P2RX7: variants seen among roughly 807,000 people sequenced by gnomAD.
The protein encoded by P2RX7 is purinergic receptor P2X 7.
P2RX7 carries 62 observed loss-of-function variants against 71.6 expected under a neutral mutation model. That is an observed-to-expected ratio of 0.87 (90% CI 0.71 to 1.07). P2RX7 has a LOEUF of 1.07. Among genes scored for constraint, P2RX7 ranks in the 50% least tolerant of loss-of-function variants. The pLI, the probability that P2RX7 is intolerant of heterozygous loss-of-function variation, is 0.00. For missense variants in P2RX7, 686 were observed against 748.5 expected (o/e 0.92, Z 0.97); for synonymous variants, 299 against 283.3 (o/e 1.06, Z -0.56).
In P2RX7 at chr12:121,160,970, C is replaced by CAAAG; in HGVS notation, c.433_436dup (p.Gly146GlufsTer12). ...AAAAGGGATGGATGGACCCGCAGAG[C>CAAAG]AAAGGTACCTTCTGTTTCTTTTCCC... On this transcript the variant is annotated frameshift_variant, in exon 4 of 13. Coordinates refer to ENST00000328963, the MANE Select transcript of P2RX7 (RefSeq NM_002562.6). LOFTEE classifies it high-confidence loss of function. The CAAAG allele has an allele frequency of 1.9e-6, 3 of 1,612,826 alleles. No homozygotes were observed. The highest frequency in any genetic ancestry group is 2.5e-6 in the Non-Finnish European group (3 of 1,178,794).
At position 121,175,322 on chromosome 12, in the gene P2RX7, A is replaced by AAAAAAC. The variant is rs1882914266; in HGVS notation, c.882-61_882-60insCAAAAA. The AAAAAAC allele has an allele frequency of 9.0e-6, 9 of 996,438 alleles. No homozygotes were observed. In the African/African-American group the frequency reaches 1.2e-4, roughly 13 times the overall value. The allele number at this position is 996,438 out of a possible 1,614,324, so 61.7% of individuals were successfully genotyped here. On this transcript the variant is annotated intron_variant, in intron 8 of 12. Transcript: ENST00000328963. Reference sequence around the variant, plus strand: ...TGAGACCCTGTCTCAAAAAAAAAAAAAAAAAAACCCAAAACCCAGCACTTT... The same window carrying AAAAAAC: ...TGAGACCCTGTCTCAAAAAAAAAAAAAAAAACAAAAAAACCCAAAACCCAGCACTTT...
chr12:121,139,781 C>A (rs1465461773), intron 1 of P2RX7, among the ~76,000 whole-genome samples: 1 of 143,394 alleles, frequency 7.0e-6, no homozygotes, highest in Non-Finnish European at 1.5e-5. Flanking sequence ...GTCACCCAGA[C>A]TGGAGTGCAG....
At chr12:121,171,990 T>C (rs912628831) in intron 8 of P2RX7, among the ~76,000 whole-genome samples, 3 of 151,688 alleles carry the variant, frequency 2.0e-5, no homozygotes, top group East Asian at 1.9e-4. Context: ...GCCTCCCGAG[T>C]AGCTGGGACT....
At chr12:121,144,108 T>C (rs1345154362) in intron 1 of P2RX7, among the ~76,000 whole-genome samples, 1 of 152,192 alleles carries the variant, frequency 6.6e-6, no homozygotes, top group Non-Finnish European at 1.5e-5. Context: ...CTCTGGAGAT[T>C]TGTCTTTTCT....
In P2RX7 at chr12:121,154,025, G is replaced by C. The variant is rs1351715211; in HGVS notation, c.126-760G>C. On this transcript the variant is annotated intron_variant, in intron 1 of 12. Transcript: ENST00000328963. This position sits in a 1 kb window ranked among gnomAD's most constrained non-coding sequence, Gnocchi z 4.2. ...TAGTTCCAGCTACTCAGGAGGCTGA[G>C]GTGGGAGGATCAACTTGAGCTCGGG... Among the ~76,000 whole-genome samples the C allele has an allele frequency of 6.6e-6, 1 of 152,118 alleles. No homozygotes were observed. The highest frequency in any genetic ancestry group is 1.5e-5 in the Non-Finnish European group (1 of 68,024).
chr12:121,167,665 T>C, intron 8 of P2RX7, 41 bp downstream of exon 8: 1 of 1,483,842 alleles, frequency 6.7e-7, no homozygotes, highest in South Asian at 1.4e-5. Context: ...AGTGGCTGAA[T>C]CGCATTCCCA....
In P2RX7 at chr12:121,167,507, A is replaced by G. The variant is rs1368967232; in HGVS notation, c.764A>G (p.Glu255Gly). Reference protein sequence around the residue: ...VAIQGGIMGIEIYWDCNLDRW... With the variant: ...VAIQGGIMGIGIYWDCNLDRW... The stretch of plus-strand genomic sequence containing the variant: ...CTTCAGGGCGGAATAATGGGCATTG[A>G]GATCTACTGGGACTGCAACCTAGAC... The change falls in exon 8 of 13, where the codon GAG becomes GGG. Residue 255 changes from glutamate to glycine, a missense_variant. By Grantham distance (98) the Glu-to-Gly change is moderately conservative. Coordinates refer to ENST00000328963, the MANE Select transcript of P2RX7 (RefSeq NM_002562.6). 1 of 1,614,008 alleles carries G rather than the reference A, an allele frequency of 6.2e-7. No homozygotes were observed. The highest frequency in any genetic ancestry group is 1.1e-5 in the South Asian group (1 of 91,062).
chr12:121,161,060 G>A, intron 4 of P2RX7, 86 bp downstream of exon 4: 2 of 998,752 alleles, frequency 2.0e-6, no homozygotes, highest in Admixed American at 3.4e-5. Context: ...CAGGTCTTCA[G>A]CCTCTGCTCT....
At chr12:121,177,057 C>A (rs1006769617) in intron 9 of P2RX7, 90 bp from the exon 10 acceptor site, 3 of 1,124,132 alleles carry the variant, frequency 2.7e-6, no homozygotes, top group Non-Finnish European at 2.7e-6. Flanking sequence ...CATGAGGCTC[C>A]GCTCCCTGAT....
chr12:121,175,310 C>CAAAAA lies in P2RX7; in HGVS notation c.882-63_882-59dup, dbSNP rs370710698. Reference sequence around the variant, plus strand: ...TGGGTGACAGCGTGAGACCCTGTCTCAAAAAAAAAAAAAAAAAAACCCAAA... The same window carrying CAAAAA: ...TGGGTGACAGCGTGAGACCCTGTCTCAAAAAAAAAAAAAAAAAAAAAAAACCCAAA... On this transcript the variant is annotated intron_variant, in intron 8 of 12. Coordinates refer to ENST00000328963, the MANE Select transcript of P2RX7 (RefSeq NM_002562.6). 8.0e-3 allele frequency: 3,728 copies of CAAAAA among 464,930 alleles called. 30 individuals are homozygous for CAAAAA. The highest frequency in any genetic ancestry group is 0.018 in the South Asian group (687 of 37,976). 28.8% of individuals were successfully genotyped at this position (464,930 alleles called of 1,614,324 possible).
chr12:121,183,295 G>A (rs1196376498), intron 12 of P2RX7, among the ~76,000 whole-genome samples: 1 of 151,200 alleles, frequency 6.6e-6, no homozygotes, highest in Non-Finnish European at 1.5e-5. Context: ...TCATGGCCGG[G>A]TGCAGTGGCT....
chr12:121,148,916 G>A (rs1267864758), intron 1 of P2RX7: 1 of 363,968 alleles, frequency 2.7e-6, no homozygotes, highest in Non-Finnish European at 5.3e-6. Context: ...GAAGATGTTT[G>A]TTGGCCTGGC....
chr12:121,161,445 G>C (rs1333638454), intron 4 of P2RX7, among the ~76,000 whole-genome samples: 1 of 151,892 alleles, frequency 6.6e-6, no homozygotes. Context: ...TTATATCTAA[G>C]TGCAGTGCTA....
At chr12:121,144,644 G>A (rs1875745237) in intron 1 of P2RX7, among the ~76,000 whole-genome samples, 1 of 152,172 alleles carries the variant, frequency 6.6e-6, no homozygotes, top group Admixed American at 6.5e-5. Context: ...AGTGTAGAGA[G>A]TAGAGGGGAC....
In P2RX7 at chr12:121,154,791, T is replaced by C. The variant is rs200006807; in HGVS notation, c.132T>C (p.Ala44=). The C allele has an allele frequency of 1.9e-5, 31 of 1,610,480 alleles. No individual in the cohort carries two copies. The highest frequency in any genetic ancestry group is 2.7e-5 in the African/African-American group (2 of 74,836). The change falls in exon 2 of 13, where the codon GCT becomes GCC. Residue 44 remains alanine, a synonymous_variant. Transcript: ENST00000328963. The surrounding 1 kb of genome is among the most constrained non-coding windows in gnomAD (Gnocchi z 4.2). Reference sequence around the variant, plus strand: ...TCCCATGTCTGCCATTTAGCTTTGCTCTGGTGAGTGACAAGCTGTACCAGC... The same window carrying C: ...TCCCATGTCTGCCATTTAGCTTTGCCCTGGTGAGTGACAAGCTGTACCAGC... ...HVIIFSYVCF[A]LVSDKLYQRK...
At chr12:121,173,934 C>G (rs1882625370) in intron 8 of P2RX7, among the ~76,000 whole-genome samples, 1 of 151,708 alleles carries the variant, frequency 6.6e-6, no homozygotes, top group Admixed American at 6.6e-5. Context: ...GCCAGGAGTT[C>G]AAGGCTGCAA....
intron 12 of P2RX7, among the ~76,000 whole-genome samples, chr12:121,183,049 C>T (rs565759792): frequency 2.0e-5 from 3 of 151,726 alleles, no homozygotes; most frequent in African/African-American, 4.8e-5. Flanking sequence ...TGGTGGCAGG[C>T]GCCTGTAGTC....
rs143957880 is a variant in P2RX7, at chr12:121,186,561, G to C, written c.*1759G>C. ...ACTGCTGAGCTACCCAATGCATTCC[G>C]ATCCTCATCACAATTCTTTGACTGA... On this transcript the variant is annotated 3_prime_UTR_variant, in exon 13 of 13. Transcript: ENST00000328963. The C allele has an allele frequency of 2.6e-5, 4 of 152,396 alleles. No individual in the cohort carries two copies. Among genetic ancestry groups the C allele is most frequent in the Admixed American group, 1.3e-4 (2 of 15,282 alleles). 9.4% of individuals were successfully genotyped at this position (152,396 alleles called of 1,614,324 possible).
Position 121,184,664 on chromosome 12 carries a change from C to T in P2RX7, c.1650C>T (p.Tyr550=), listed in dbSNP as rs200334648. The T allele has an allele frequency of 1.9e-5, 30 of 1,593,310 alleles. No homozygotes were observed. In the East Asian group the frequency reaches 5.8e-4, roughly 31 times the overall value. The change falls in exon 13 of 13, where the codon TAC becomes TAT. Residue 550 remains tyrosine (Y), a synonymous_variant. Coordinates refer to ENST00000328963, the MANE Select transcript of P2RX7 (RefSeq NM_002562.6). ...ACAGCCGGCTGCGGCACTGTGCCTA[C>T]AGGTGCTACGCCACCTGGCGCTTCG... ...STNSRLRHCA[Y]RCYATWRFGS...
Sources: allele counts gnomAD v4.1 joint callset (sites outside exome capture counted in the v4.1 genomes callset), GRCh38; gene constraint gnomAD v4.1.1; non-coding constraint Gnocchi (gnomAD v3.1); transcripts MANE v1.5; gene names NCBI Gene and HGNC (gene_info 2026-07-23, HGNC 2026-07-21).